RORA: variants seen among roughly 807,000 people sequenced by gnomAD.
RORA encodes the protein nuclear receptor ROR-alpha.
In RORA, 7 loss-of-function variants were observed where a neutral mutation model predicts 69.5. The ratio of observed to expected loss-of-function variants is 0.10; its 90% CI spans 0.06 to 0.19. RORA has a LOEUF of 0.19. Among genes scored for constraint, RORA ranks in the 10% least tolerant of loss-of-function variants. RORA has a pLI of 1.00. For missense variants in RORA, 457 were observed against 663.0 expected (o/e 0.69, Z 3.41); for synonymous variants, 261 against 240.8 (o/e 1.08, Z -0.78).
chr15:60,703,993 A>G (rs1042343626), intron 1 of RORA, among the ~76,000 whole-genome samples: 2 of 152,256 alleles, frequency 1.3e-5, no homozygotes, highest in Non-Finnish European at 2.9e-5. Flanking sequence ...CATAATTGTT[A>G]TAGTGAGTAT....
At chr15:60,691,986 CA>C (rs2140775347) in intron 1 of RORA, among the ~76,000 whole-genome samples, 2 of 152,342 alleles carry the variant, frequency 1.3e-5, no homozygotes, top group South Asian at 4.1e-4. Flanking sequence ...GCTTCTCCTA[CA>C]TGGCAATTCA....
At chr15:61,221,389 T>G (rs1002653907) in intron 1 of RORA, among the ~76,000 whole-genome samples, 1 of 152,178 alleles carries the variant, frequency 6.6e-6, no homozygotes, top group Non-Finnish European at 1.5e-5. Flanking sequence ...CTCATTCTAT[T>G]TCACCTCTAT....
intron 1 of RORA, among the ~76,000 whole-genome samples, chr15:60,697,876 CAG>C: frequency 6.6e-6 from 1 of 152,282 alleles, no homozygotes; most frequent in East Asian, 1.9e-4. Context: ...GAGAGAAACA[CAG>C]AGTTATACCT....
In RORA at chr15:60,540,151, C is replaced by G. The variant is rs142484906; in HGVS notation, c.197-8300G>C. Among the ~76,000 whole-genome samples the G allele has an allele frequency of 4.6e-3, 707 of 152,322 alleles. 9 individuals carry two copies. The highest frequency in any genetic ancestry group is 6.6e-3 in the South Asian group (32 of 4,830). On this transcript the variant is annotated intron_variant, in intron 2 of 10. Transcript: ENST00000335670. Reference sequence around the variant, plus strand: ...AAAAAAAGTCATCTGACTCACAGAACTGCATACGTATTTTCTTGCGATCAA... The same window carrying G: ...AAAAAAAGTCATCTGACTCACAGAAGTGCATACGTATTTTCTTGCGATCAA...
intron 2 of RORA, among the ~76,000 whole-genome samples, chr15:60,624,471 C>CATATATAT (rs3053858): frequency 0.043 from 3,188 of 73,448 alleles, 130 homozygotes; most frequent in Middle Eastern, 0.064. Context: ...CCATTTGCTG[C>CATATATAT]ATATATATAT....
chr15:60,954,809 G>A (rs1893219790), intron 1 of RORA, among the ~76,000 whole-genome samples: 2 of 152,050 alleles, frequency 1.3e-5, no homozygotes, highest in South Asian at 4.2e-4. Context: ...GCACTTGAAG[G>A]GCCTCATTCA....
At chr15:60,963,159 C>T (rs963893881) in intron 1 of RORA, among the ~76,000 whole-genome samples, 13 of 152,190 alleles carry the variant, frequency 8.5e-5, no homozygotes, top group African/African-American at 1.2e-4. Context: ...TCCCCATTTA[C>T]GCTTCGAAGA....
At chr15:61,052,885 C>T (rs760906884) in intron 1 of RORA, among the ~76,000 whole-genome samples, 81 of 152,168 alleles carry the variant, frequency 5.3e-4, no homozygotes, top group Admixed American at 1.4e-3. Context: ...GCCTGTACCT[C>T]GCTGACCTAG....
At chr15:60,694,607 G>C (rs781563192) in intron 1 of RORA, among the ~76,000 whole-genome samples, 1 of 152,172 alleles carries the variant, frequency 6.6e-6, no homozygotes. Flanking sequence ...GAGGGGCCTC[G>C]CCCAAACCTC....
At position 60,748,368 on chromosome 15, in the gene RORA, G is replaced by A. The variant is rs964901465; in HGVS notation, c.167-69682C>T. 1.0e-3 allele frequency among the ~76,000 whole-genome samples: 155 copies of A among 151,066 alleles called. 1 individual carries two copies. The highest frequency in any genetic ancestry group is 3.6e-3 in the African/African-American group (150 of 41,214). On this transcript the variant is annotated intron_variant, in intron 1 of 10. Transcript: ENST00000335670. ...ACATAAATTAGTGCCTTCAGACATAGGGATTATTTTGTTAACAAGGGAATG... is the reference window on the plus strand; with the variant it reads ...ACATAAATTAGTGCCTTCAGACATAAGGATTATTTTGTTAACAAGGGAATG...
At chr15:60,940,247 C>T (rs1352938921) in intron 1 of RORA, among the ~76,000 whole-genome samples, 1 of 152,030 alleles carries the variant, frequency 6.6e-6, no homozygotes, top group African/African-American at 2.4e-5. Context: ...CTAATAGCCC[C>T]AAACCAGAAA....
At chr15:61,119,437 C>T (rs2079082560) in intron 1 of RORA, among the ~76,000 whole-genome samples, 1 of 150,650 alleles carries the variant, frequency 6.6e-6, no homozygotes, top group African/African-American at 2.4e-5. Context: ...TATACACACA[C>T]ACAAATATAT....
chr15:60,751,646 C>A (rs1019754111), intron 1 of RORA, among the ~76,000 whole-genome samples: 1 of 152,144 alleles, frequency 6.6e-6, no homozygotes, highest in Admixed American at 6.6e-5. Flanking sequence ...GACTCTGACT[C>A]CAGCACCTGC....
chr15:60,792,539 G>C (rs1459249330), intron 1 of RORA, among the ~76,000 whole-genome samples: 4 of 152,086 alleles, frequency 2.6e-5, no homozygotes, highest in African/African-American at 9.7e-5. Flanking sequence ...GAAAGATAAA[G>C]AGAACATCAA....
intron 1 of RORA, among the ~76,000 whole-genome samples, chr15:61,186,312 T>C (rs1596056866): frequency 6.6e-6 from 1 of 152,288 alleles, no homozygotes; most frequent in South Asian, 2.1e-4. Context: ...AAGACCCTGA[T>C]GTGCATCAGA....
intron 1 of RORA, among the ~76,000 whole-genome samples, chr15:61,227,019 A>G (rs949815302): frequency 6.6e-6 from 1 of 152,152 alleles, no homozygotes; most frequent in Admixed American, 6.5e-5. Flanking sequence ...ATAATTTGCA[A>G]GAACAGCAAG....
intron 1 of RORA, among the ~76,000 whole-genome samples, chr15:61,149,808 A>G (rs1375467568): frequency 6.6e-6 from 1 of 152,218 alleles, no homozygotes; most frequent in African/African-American, 2.4e-5. Flanking sequence ...AGGCCAAATT[A>G]TTGGATAAGA....
At chr15:60,964,787 C>T (rs139462314) in intron 1 of RORA, among the ~76,000 whole-genome samples, 24 of 152,280 alleles carry the variant, frequency 1.6e-4, no homozygotes, top group Admixed American at 3.3e-4. Context: ...TGGCAAAGAG[C>T]GCCACAGTTG....
chr15:60,878,170 C>CAAAAAAAAAAAA (rs11362081), intron 1 of RORA, among the ~76,000 whole-genome samples: 39 of 69,550 alleles, frequency 5.6e-4, no homozygotes, highest in East Asian at 3.0e-3. Flanking sequence ...ACTAAAAATA[C>CAAAAAAAAAAAA]AAAAAAAAAA....
Sources: gnomAD v4.1 joint callset for allele counts (sites outside exome capture counted in the v4.1 genomes callset) on GRCh38, gnomAD v4.1.1 for gene constraint, MANE v1.5 for transcripts, NCBI Gene and HGNC (gene_info 2026-07-23, HGNC 2026-07-21) for gene names.